The following ADAM32 variants were observed in gnomAD, a reference collection of about 807,000 sequenced individuals.
ADAM32 encodes the protein disintegrin and metalloproteinase domain-containing protein 32.
In ADAM32, 89 loss-of-function variants were observed where a neutral mutation model predicts 114.9. That is an observed-to-expected ratio of 0.77 (90% CI 0.65 to 0.92). ADAM32 has a LOEUF of 0.92. ADAM32 is among the 40% of genes least tolerant of loss of function. The pLI, the probability that ADAM32 is intolerant of heterozygous loss-of-function variation, is 0.00. For synonymous variants in ADAM32, 285 were observed against 307.5 expected (o/e 0.93, Z 0.77); for missense variants, 870 against 932.8 (o/e 0.93, Z 0.88).
intron 6 of ADAM32, among the ~76,000 whole-genome samples, chr8:39,152,182 C>T (rs373516914): frequency 1.2e-4 from 18 of 152,028 alleles, no homozygotes; most frequent in African/African-American, 3.9e-4. Flanking sequence ...TCATGACCAA[C>T]GAGTCAGCAT....
intron 16 of ADAM32, among the ~76,000 whole-genome samples, chr8:39,239,423 C>G (rs1810406876): frequency 6.6e-6 from 1 of 152,146 alleles, no homozygotes; most frequent in Non-Finnish European, 1.5e-5. Flanking sequence ...AAAAAGAGTT[C>G]TAAATCTTGA....
At chr8:39,245,553 C>T (rs559555346) in intron 16 of ADAM32, among the ~76,000 whole-genome samples, 7 of 152,248 alleles carry the variant, frequency 4.6e-5, no homozygotes, top group East Asian at 3.9e-4. Flanking sequence ...GGATACACAA[C>T]GAGACACCAG....
intron 1 of ADAM32, 92 bp downstream of exon 1, chr8:39,107,925 C>T (rs1839994373): frequency 7.1e-7 from 1 of 1,412,086 alleles, no homozygotes; most frequent in South Asian, 1.5e-5. Flanking sequence ...TGTCTGGGTC[C>T]CTTTGGTCCT....
intron 24 of ADAM32, among the ~76,000 whole-genome samples, chr8:39,284,397 A>T (rs1813650330): frequency 6.6e-6 from 1 of 151,888 alleles, no homozygotes; most frequent in East Asian, 1.9e-4. Context: ...ACACACACAC[A>T]CACGTACACA....
chr8:39,241,237 G>A (rs945089927), intron 16 of ADAM32, among the ~76,000 whole-genome samples: 1 of 152,228 alleles, frequency 6.6e-6, no homozygotes, highest in Non-Finnish European at 1.5e-5. Context: ...ACTTTGCAGG[G>A]TATAGCCTCC....
At position 39,270,900 on chromosome 8, in the gene ADAM32, G is replaced by A. The variant is rs1812675289; in HGVS notation, c.2187G>A (p.Gln729=). ...GATCTAAATCGGAAGGTAGCACACA[G>A]ACATATGCCAGCCAGTAAGTAGTTT... is the stretch of plus-strand genomic sequence containing the variant. ...SSESKSEGST[Q]TYASQSSSEG... The change falls in exon 20 of 25, where the codon CAG becomes CAA. Residue 729 remains glutamine (Q), a synonymous_variant. Transcript: ENST00000379907. 1 of 1,610,674 alleles carries A rather than the reference G, an allele frequency of 6.2e-7. No homozygotes were observed. Among genetic ancestry groups the A allele is most frequent in the Non-Finnish European group, 8.5e-7 (1 of 1,177,948 alleles).
chr8:39,213,151 TA>T (rs1366397416), intron 12 of ADAM32, among the ~76,000 whole-genome samples: 3 of 152,264 alleles, frequency 2.0e-5, no homozygotes, highest in African/African-American at 2.4e-5. Context: ...ACATACTTAT[TA>T]TTTTTTTTGT....
At chr8:39,170,065 A>G in intron 10 of ADAM32, 68 bp downstream of exon 10, 1 of 1,182,108 alleles carries the variant, frequency 8.5e-7, no homozygotes, top group Non-Finnish European at 1.2e-6. Context: ...GATAGTATAT[A>G]TTTTGTACAA....
intron 21 of ADAM32, among the ~76,000 whole-genome samples, chr8:39,274,963 C>T (rs1331699309): frequency 4.6e-5 from 7 of 152,178 alleles, no homozygotes; most frequent in Non-Finnish European, 8.8e-5. Context: ...TTATCCTATA[C>T]GTGTAAAGAA....
chr8:39,201,844 T>C (rs1208334582), intron 11 of ADAM32, among the ~76,000 whole-genome samples: 1 of 152,230 alleles, frequency 6.6e-6, no homozygotes, highest in Non-Finnish European at 1.5e-5. Flanking sequence ...TGAAGGGCTG[T>C]TGAATTTTAT....
intron 2 of ADAM32, among the ~76,000 whole-genome samples, chr8:39,135,013 G>A (rs1423769582): frequency 2.6e-5 from 4 of 152,122 alleles, no homozygotes; most frequent in Non-Finnish European, 4.4e-5. Context: ...AGATTAGCCA[G>A]GCGTGGTGGC....
intron 4 of ADAM32, among the ~76,000 whole-genome samples, chr8:39,148,860 AC>A (rs1294689925): frequency 6.6e-6 from 1 of 152,184 alleles, no homozygotes; most frequent in Non-Finnish European, 1.5e-5. Flanking sequence ...TATAATTTTC[AC>A]ATCTGTGACA....
intron 3 of ADAM32, among the ~76,000 whole-genome samples, chr8:39,139,717 CATT>C (rs1213810533): frequency 3.3e-5 from 5 of 152,096 alleles, no homozygotes; most frequent in African/African-American, 7.2e-5. Context: ...TGAAGAAAGT[CATT>C]GTAGCTTGAT....
chr8:39,212,987 G>A (rs1808327881), intron 12 of ADAM32, among the ~76,000 whole-genome samples: 1 of 152,052 alleles, frequency 6.6e-6, no homozygotes, highest in African/African-American at 2.4e-5. Flanking sequence ...TTACTTTAAT[G>A]ATGTTGAGCA....
chr8:39,269,717 C>T (rs1812588294), intron 19 of ADAM32, among the ~76,000 whole-genome samples: 1 of 152,176 alleles, frequency 6.6e-6, no homozygotes, highest in Non-Finnish European at 1.5e-5. Flanking sequence ...TAATGGTAGA[C>T]TCTTTTATCT....
chr8:39,253,903 T>TA (rs1055125841), intron 17 of ADAM32, among the ~76,000 whole-genome samples: 2 of 150,858 alleles, frequency 1.3e-5, no homozygotes, highest in Non-Finnish European at 3.0e-5. Context: ...AAATAGAAAA[T>TA]AAAAAAATTA....
chr8:39,265,771 T>C (rs1048644243), intron 19 of ADAM32, among the ~76,000 whole-genome samples: 6 of 152,154 alleles, frequency 3.9e-5, no homozygotes, highest in Admixed American at 3.9e-4. Context: ...GGGCTACGCA[T>C]GTAAGTATGA....
chr8:39,117,649 T>G (rs1261197722), intron 1 of ADAM32, among the ~76,000 whole-genome samples: 1 of 152,096 alleles, frequency 6.6e-6, no homozygotes, highest in Non-Finnish European at 1.5e-5. Flanking sequence ...ATAACATGAT[T>G]TTCTTTTTTT....
intron 19 of ADAM32, among the ~76,000 whole-genome samples, chr8:39,259,614 T>C (rs1485946888): frequency 1.3e-5 from 2 of 152,264 alleles, no homozygotes; most frequent in African/African-American, 4.8e-5. Context: ...CCATTTTCAA[T>C]GTTTGTCATT....
Sources: gnomAD v4.1 joint callset for allele counts (sites outside exome capture counted in the v4.1 genomes callset) on GRCh38, gnomAD v4.1.1 for gene constraint, MANE v1.5 for transcripts, NCBI Gene and HGNC (gene_info 2026-07-23, HGNC 2026-07-21) for gene names.